The following ELL variants were observed in gnomAD, a reference collection of about 807,000 sequenced individuals.
ELL encodes the protein elongation factor for RNA polymerase II, also known as RNA polymerase II elongation factor ELL.
In ELL, 18 loss-of-function variants were observed where a neutral mutation model predicts 64.0. The ratio of observed to expected loss-of-function variants is 0.28; its 90% confidence interval spans 0.19 to 0.42. ELL has a LOEUF of 0.42. Among genes scored for constraint, ELL ranks in the 10% least tolerant of loss-of-function variants. The probability of loss-of-function intolerance (pLI) is 1.00; values close to 1 mark genes in which losing one functional copy is unlikely to be tolerated. For synonymous variants in ELL, 399 were observed against 376.2 expected (o/e 1.06, Z -0.70); for missense variants, 797 against 870.4 (o/e 0.92, Z 1.06).
In ELL at chr19:18,458,350, T is replaced by C. The variant is rs561148008; in HGVS notation, c.745-21A>G. The C allele has an allele frequency of 5.6e-6, 9 of 1,603,590 alleles. No homozygotes were observed. The African/African-American group carries it at 1.2e-4, about 21-fold the overall frequency. ...GCCACCTGCAAGACAGAGCCAGCCA[T>C]CACTTTGTGGGAATCCTGAGAGAGA... On this transcript the variant is annotated intron_variant, in intron 5 of 11. Transcript: ENST00000262809.
chr19:18,461,607 T>C lies in ELL; in HGVS notation c.715A>G (p.Lys239Glu). The C allele has an allele frequency of 7.5e-6, 12 of 1,606,494 alleles. No homozygotes were observed. The highest frequency in any genetic ancestry group is 1.0e-5 in the Non-Finnish European group (12 of 1,179,302). ...TGGAGGAGGCCATCCAGCGCGTCCT[T>C]GTCCGCCTGCGTCAGGCCGTCCTTC... is the stretch of plus-strand genomic sequence containing the variant. Reference protein sequence around the residue: ...LQKDGLTQADKDALDGLLQQV... With the variant: ...LQKDGLTQADEDALDGLLQQV... Residue 239 changes from lysine to glutamate, a missense_variant, in exon 5 of 12, where the codon AAG becomes GAG. By Grantham distance (56) the Lys-to-Glu change is moderately conservative. Coordinates refer to ENST00000262809, the MANE Select transcript of ELL (RefSeq NM_006532.4).
chr19:18,471,479 C>A (rs558403708), intron 2 of ELL: 50 of 298,888 alleles, frequency 1.7e-4, no homozygotes, highest in African/African-American at 1.0e-3. Flanking sequence ...ACCAGCCTGG[C>A]CAACATGGTG....
At chr19:18,488,615 C>A (rs1975465417) in intron 1 of ELL, among the ~76,000 whole-genome samples, 1 of 152,216 alleles carries the variant, frequency 6.6e-6, no homozygotes, top group African/African-American at 2.4e-5. Context: ...CCTCAAAAGT[C>A]TGATCGCAGG....
At chr19:18,488,953 G>A (rs995826859) in intron 1 of ELL, among the ~76,000 whole-genome samples, 2 of 152,326 alleles carry the variant, frequency 1.3e-5, no homozygotes, top group South Asian at 4.1e-4. Context: ...CCAGAGTCCT[G>A]AACTGAAGCT....
At chr19:18,461,544 A>G in intron 5 of ELL, 34 bp downstream of exon 5, 1 of 1,567,492 alleles carries the variant, frequency 6.4e-7, no homozygotes. Context: ...TGCGGAGACC[A>G]CTGGTAAAGA....
At chr19:18,475,763 T>TGGGAGTG (rs1428710015) in intron 1 of ELL, 1 of 151,132 alleles carries the variant, frequency 6.6e-6, no homozygotes, top group Non-Finnish European at 1.5e-5. Flanking sequence ...GGGCTGGAGG[T>TGGGAGTG]GGGAGTGGGG....
chr19:18,471,798 G>T (rs1975070513), intron 2 of ELL, among the ~76,000 whole-genome samples: 1 of 152,116 alleles, frequency 6.6e-6, no homozygotes, highest in Non-Finnish European at 1.5e-5. Flanking sequence ...CTATAAGATG[G>T]TCATTTAGAA....
chr19:18,497,862 C>T (rs1975693804), intron 1 of ELL, among the ~76,000 whole-genome samples: 1 of 146,886 alleles, frequency 6.8e-6, no homozygotes, highest in East Asian at 2.0e-4. Context: ...GATGTGATGG[C>T]TCATGCCTGT....
intron 1 of ELL, among the ~76,000 whole-genome samples, chr19:18,485,802 C>T (rs193267038): frequency 1.4e-4 from 21 of 152,124 alleles, no homozygotes; most frequent in Non-Finnish European, 2.8e-4. Context: ...CTGGTTAACA[C>T]GGTGAAACCC....
chr19:18,442,768 C>T lies in ELL; in HGVS notation c.*1984G>A, dbSNP rs1974321783. ...TAAGAAAATATCAGGAAACTGAAGA[C>T]GCAGATAGATGCCTTTCAATTGTAA... On this transcript the variant is annotated 3_prime_UTR_variant, in exon 12 of 12. Transcript: ENST00000262809. 2 of 167,472 alleles carry T rather than the reference C, an allele frequency of 1.2e-5. No homozygotes were observed. The highest frequency in any genetic ancestry group is 6.9e-5 in the Admixed American group (1 of 14,392). The allele number at this position is 167,472 out of a possible 1,614,324, so 10.4% of individuals were successfully genotyped here.
intron 1 of ELL, among the ~76,000 whole-genome samples, chr19:18,486,684 T>C (rs997298270): frequency 2.6e-5 from 4 of 152,160 alleles, no homozygotes; most frequent in Non-Finnish European, 5.9e-5. Flanking sequence ...CATCTCATTG[T>C]CTGCTCACTG....
intron 1 of ELL, among the ~76,000 whole-genome samples, chr19:18,514,456 G>A (rs989684085): frequency 8.2e-5 from 12 of 147,148 alleles, no homozygotes; most frequent in Non-Finnish European, 5.9e-5. Flanking sequence ...AGAGTTTGCA[G>A]TGAGCTGAGA....
chr19:18,494,613 T>A (rs975792421), intron 1 of ELL, among the ~76,000 whole-genome samples: 4 of 152,114 alleles, frequency 2.6e-5, no homozygotes, highest in Non-Finnish European at 1.5e-5. Context: ...CTGGTCTCGA[T>A]AATCTGACCT....
chr19:18,520,377 A>G (rs1359419281), intron 1 of ELL, among the ~76,000 whole-genome samples: 2 of 152,210 alleles, frequency 1.3e-5, no homozygotes, highest in African/African-American at 4.8e-5. Flanking sequence ...CTGGCTGGTC[A>G]TGGGCCAGCA....
intron 2 of ELL, among the ~76,000 whole-genome samples, chr19:18,468,008 C>CA (rs1238340490): frequency 2.7e-5 from 4 of 147,556 alleles, no homozygotes; most frequent in Non-Finnish European, 4.5e-5. Context: ...CACACAAACA[C>CA]AACCCACACA....
intron 2 of ELL, among the ~76,000 whole-genome samples, chr19:18,467,171 G>A (rs1974955970): frequency 1.3e-5 from 2 of 152,130 alleles, no homozygotes; most frequent in African/African-American, 4.8e-5. Flanking sequence ...TCCTGGGTTC[G>A]GCCACTTGGG....
chr19:18,509,593 G>GCGCACACACA, intron 1 of ELL, among the ~76,000 whole-genome samples: 1 of 83,280 alleles, frequency 1.2e-5, no homozygotes, highest in South Asian at 4.7e-4. Flanking sequence ...GCGCGCGCGC[G>GCGCACACACA]CACATACACA....
chr19:18,457,582 T>C (rs900047618), intron 6 of ELL, among the ~76,000 whole-genome samples: 4 of 152,128 alleles, frequency 2.6e-5, no homozygotes, highest in Non-Finnish European at 5.9e-5. Context: ...CCCTGAGAAA[T>C]CACTTACGGA....
At chr19:18,462,923 T>C (rs980757351) in intron 4 of ELL, among the ~76,000 whole-genome samples, 2 of 152,204 alleles carry the variant, frequency 1.3e-5, no homozygotes, top group African/African-American at 4.8e-5. Flanking sequence ...CAGGCGTGGC[T>C]GTGCCCAGAG....
Sources: allele counts gnomAD v4.1 joint callset (sites outside exome capture counted in the v4.1 genomes callset), GRCh38; gene constraint gnomAD v4.1.1; transcripts MANE v1.5; gene names NCBI Gene and HGNC (gene_info 2026-07-23, HGNC 2026-07-21).